Variants in TENM3 observed in about 807,000 individuals in gnomAD.
TENM3 encodes the protein teneurin-3.
Under a neutral mutation model 255.1 loss-of-function variants are expected in TENM3, and 63 were observed. The ratio of observed to expected loss-of-function variants is 0.25; its 90% CI spans 0.20 to 0.30. TENM3 has a LOEUF of 0.30. TENM3 is among the 10% of genes least tolerant of loss of function. The pLI is 1.00. For missense variants in TENM3, 2,929 were observed against 3,461.1 expected (o/e 0.85, Z 3.86); for synonymous variants, 1,306 against 1,322.3 (o/e 0.99, Z 0.27).
chr4:181,744,797 AG>A, the TENM3 span, among the ~76,000 whole-genome samples: 11 of 152,210 alleles, frequency 7.2e-5, no homozygotes, highest in African/African-American at 2.7e-4. Flanking sequence ...GAAGAGCCAA[AG>A]ATGACTCCAG....
At chr4:181,459,543 C>A in the TENM3 span, among the ~76,000 whole-genome samples, 4 of 151,956 alleles carry the variant, frequency 2.6e-5, no homozygotes, top group Admixed American at 6.6e-5. Flanking sequence ...AGGTAACAGT[C>A]ATTTTTTTAT....
At position 182,793,800 on chromosome 4, in the gene TENM3, G is replaced by C; in HGVS notation, c.7128G>C (p.Gly2376=). 1 of 1,613,916 alleles carries C rather than the reference G, an allele frequency of 6.2e-7. No homozygotes were observed. Among genetic ancestry groups the C allele is most frequent in the Non-Finnish European group, 8.5e-7 (1 of 1,179,832 alleles). Residue 2376 remains glycine (G), a synonymous_variant, in exon 26 of 28, where the codon GGG becomes GGC. Coordinates refer to ENST00000511685, the MANE Select transcript of TENM3 (RefSeq NM_001080477.4). This position sits in a 1 kb window ranked among gnomAD's most constrained non-coding sequence, Gnocchi z 5.7. ...TPDIEIWKRI[G]KDPAPFNLYM... ...ACATAGAAATCTGGAAAAGAATTGG[G>C]AAGGACCCAGCTCCTTTTAACTTGT... is the stretch of plus-strand genomic sequence containing the variant.
At chr4:181,728,287 C>T in the TENM3 span, among the ~76,000 whole-genome samples, 1 of 152,034 alleles carries the variant, frequency 6.6e-6, no homozygotes, top group Admixed American at 6.6e-5. Flanking sequence ...TAGGATCTCG[C>T]ACAAGAAAGA....
chr4:181,448,171 T>A, the TENM3 span, among the ~76,000 whole-genome samples: 29 of 134,130 alleles, frequency 2.2e-4, no homozygotes, highest in East Asian at 1.1e-3. Flanking sequence ...TTTTTTTTTT[T>A]TTTTTTTTTT....
the TENM3 span, among the ~76,000 whole-genome samples, chr4:182,038,605 C>G: frequency 6.6e-6 from 1 of 152,266 alleles, no homozygotes; most frequent in Non-Finnish European, 1.5e-5. Context: ...CTATGACATC[C>G]CTGCTGTAGT....
chr4:182,477,562 A>G (rs1733793639), intron 3 of TENM3, among the ~76,000 whole-genome samples: 2 of 152,142 alleles, frequency 1.3e-5, no homozygotes, highest in Non-Finnish European at 2.9e-5. Context: ...TCCCTCCTCC[A>G]GTGACTTTCC....
intron 1 of TENM3, among the ~76,000 whole-genome samples, chr4:182,271,022 G>A (rs1226131199): frequency 6.6e-6 from 1 of 152,072 alleles, no homozygotes; most frequent in Non-Finnish European, 1.5e-5. Flanking sequence ...TTTGGTTTTG[G>A]AACAAAATCA....
the TENM3 span, among the ~76,000 whole-genome samples, chr4:181,652,142 TAAAAAAAAAA>T: frequency 1.2e-3 from 139 of 114,668 alleles, 1 homozygote; most frequent in African/African-American, 4.4e-3. Context: ...CACTTTGGGG[TAAAAAAAAAA>T]AAAAAAAAAA....
chr4:182,113,790 CA>C, the TENM3 span, among the ~76,000 whole-genome samples: 2 of 152,046 alleles, frequency 1.3e-5, no homozygotes, highest in Non-Finnish European at 2.9e-5. Context: ...TTACTTTGAA[CA>C]TTAAGAAACA....
At chr4:181,870,457 A>G in the TENM3 span, among the ~76,000 whole-genome samples, 1 of 152,248 alleles carries the variant, frequency 6.6e-6, no homozygotes, top group South Asian at 2.1e-4. Context: ...GTCCCAAATA[A>G]CAATTGGTGT....
At chr4:181,453,998 G>A in the TENM3 span, among the ~76,000 whole-genome samples, 1 of 152,022 alleles carries the variant, frequency 6.6e-6, no homozygotes, top group African/African-American at 2.4e-5. Flanking sequence ...CTGTAAAATA[G>A]GAATAAAAAT....
At position 182,793,012 on chromosome 4, in the gene TENM3, A is replaced by G. The variant is rs1443846782; in HGVS notation, c.6340A>G (p.Lys2114Glu). The G allele has an allele frequency of 3.1e-6, 5 of 1,613,966 alleles. No individual in the cohort carries two copies. The highest frequency in any genetic ancestry group is 1.7e-5 in the Admixed American group (1 of 60,026). The part of the protein sequence containing the change: ...IQYDNMGRVT[K>E]REIKIGPFAN... The stretch of plus-strand genomic sequence containing the variant: ...GTATGATAACATGGGTCGGGTAACC[A>G]AGAGAGAGATTAAAATAGGGCCCTT... The change falls in exon 26 of 28, where the codon AAG becomes GAG. Residue 2114 changes from lysine (K) to glutamate (E), a missense_variant. Transcript: ENST00000511685. The surrounding 1 kb of genome is among the most constrained non-coding windows in gnomAD (Gnocchi z 5.7).
At chr4:181,647,456 A>C in the TENM3 span, among the ~76,000 whole-genome samples, 5 of 152,160 alleles carry the variant, frequency 3.3e-5, no homozygotes, top group Admixed American at 3.3e-4. Flanking sequence ...GACCATATTA[A>C]TTAAGAAGAG....
chr4:182,657,141 C>G (rs1435985568), intron 6 of TENM3, among the ~76,000 whole-genome samples: 1 of 152,166 alleles, frequency 6.6e-6, no homozygotes, highest in Non-Finnish European at 1.5e-5. Context: ...CATTTATTTA[C>G]TTTGTAACCT....
At chr4:181,459,637 A>G in the TENM3 span, among the ~76,000 whole-genome samples, 1 of 151,906 alleles carries the variant, frequency 6.6e-6, no homozygotes, top group Non-Finnish European at 1.5e-5. Context: ...GGAATTGACC[A>G]CATAAGATGG....
At chr4:181,916,447 T>C in the TENM3 span, among the ~76,000 whole-genome samples, 1 of 152,128 alleles carries the variant, frequency 6.6e-6, no homozygotes. Flanking sequence ...AGCTCAAGCC[T>C]ATGAATGATT....
At chr4:181,481,255 A>C in the TENM3 span, among the ~76,000 whole-genome samples, 1 of 152,230 alleles carries the variant, frequency 6.6e-6, no homozygotes, top group African/African-American at 2.4e-5. Flanking sequence ...AATCAAAAGT[A>C]AAATTTCCTC....
At chr4:181,808,798 C>T in the TENM3 span, among the ~76,000 whole-genome samples, 12 of 152,150 alleles carry the variant, frequency 7.9e-5, no homozygotes, top group East Asian at 7.7e-4. Context: ...CTATTACGAT[C>T]ACATACTGGG....
At chr4:181,794,216 C>T in the TENM3 span, among the ~76,000 whole-genome samples, 1 of 152,162 alleles carries the variant, frequency 6.6e-6, no homozygotes, top group Non-Finnish European at 1.5e-5. Flanking sequence ...TGCAAAGTCA[C>T]TACCACAGTA....
Sources: gnomAD v4.1 joint callset for allele counts (sites outside exome capture counted in the v4.1 genomes callset) on GRCh38, gnomAD v4.1.1 for gene constraint, Gnocchi (gnomAD v3.1) non-coding constraint, MANE v1.5 for transcripts, NCBI Gene and HGNC (gene_info 2026-07-23, HGNC 2026-07-21) for gene names.